Variants in ZNF454 observed in about 807,000 individuals in gnomAD.
ZNF454 encodes the protein zinc finger protein 454.
A neutral mutation model predicts 48.2 loss-of-function variants in ZNF454; 30 were observed. That is an observed-to-expected ratio of 0.62 (90% CI 0.47 to 0.84). The LOEUF (loss-of-function observed/expected upper bound fraction) is 0.84, where lower values mean the gene tolerates loss of function less well. ZNF454 is among the 40% of genes least tolerant of loss of function. ZNF454 has a pLI of 0.00. For synonymous variants in ZNF454, 204 were observed against 211.4 expected, an observed-to-expected ratio of 0.97 and a Z score of 0.30; for missense variants, 510 against 623.1, an observed-to-expected ratio of 0.82 and a Z score of 1.93.
chr5:178,977,528 C>G, the ZNF454 span: 1 of 297,026 alleles, frequency 3.4e-6, no homozygotes, highest in Non-Finnish European at 7.2e-6. Context: ...AAACAGTAAT[C>G]CACAAATGAA....
At chr5:178,975,319 G>T in the ZNF454 span, among the ~76,000 whole-genome samples, 1 of 152,162 alleles carries the variant, frequency 6.6e-6, no homozygotes, top group Non-Finnish European at 1.5e-5. Context: ...TGCCAGTGGT[G>T]CACGTTTGAG....
the ZNF454 span, chr5:178,989,356 G>T: frequency 6.2e-7 from 1 of 1,613,948 alleles, no homozygotes; most frequent in East Asian, 2.2e-5. Flanking sequence ...CGAACCAGAT[G>T]TTCCTGCGGT....
At chr5:178,989,214 CTCACCACCCT>C in the ZNF454 span, 1 of 1,198,222 alleles carries the variant, frequency 8.3e-7, no homozygotes, top group Non-Finnish European at 1.2e-6. Context: ...CCTCCCCACC[CTCACCACCCT>C]CCCCACCCTC....
intron 4 of ZNF454, among the ~76,000 whole-genome samples, chr5:178,956,666 TTTTATTTAA>T (rs1262800042): frequency 4.0e-4 from 27 of 67,278 alleles, no homozygotes; most frequent in Admixed American, 1.9e-3. Context: ...CTTTATTTTA[TTTTATTTAA>T]TTTATTTATT....
chr5:178,969,696 A>G (rs1760212683), downstream of ZNF454: 1 of 455,706 alleles, frequency 2.2e-6, no homozygotes, highest in Non-Finnish European at 4.4e-6. Context: ...AGAAAAAGGT[A>G]AGAGCCTGAG....
intron 4 of ZNF454, among the ~76,000 whole-genome samples, chr5:178,958,674 T>A (rs1342750821): frequency 6.6e-6 from 1 of 152,228 alleles, no homozygotes; most frequent in Non-Finnish European, 1.5e-5. Flanking sequence ...GAAGTGGTTA[T>A]ACTAATTTAT....
chr5:178,949,436 T>A (rs552110130), intron 4 of ZNF454, among the ~76,000 whole-genome samples: 1 of 152,244 alleles, frequency 6.6e-6, no homozygotes, highest in East Asian at 1.9e-4. Flanking sequence ...GTTATATTTT[T>A]AAAAAATAGA....
chr5:178,983,350 C>CGTG, the ZNF454 span: 1 of 821,000 alleles, frequency 1.2e-6, no homozygotes. Flanking sequence ...TCCACCTCTT[C>CGTG]GTGGTGGCTC....
At chr5:178,967,922 G>A (rs1249930845), downstream of ZNF454, among the ~76,000 whole-genome samples, 8 of 151,690 alleles carry the variant, frequency 5.3e-5, no homozygotes, top group Non-Finnish European at 1.2e-4. Context: ...TGTATTTTTA[G>A]TAGAGTTGGG....
chr5:178,954,859 C>T (rs911528159), intron 4 of ZNF454, among the ~76,000 whole-genome samples: 1 of 152,196 alleles, frequency 6.6e-6, no homozygotes, highest in African/African-American at 2.4e-5. Context: ...ATGTCTTTGA[C>T]ACTCATCCCT....
the ZNF454 span, chr5:178,986,729 C>T: frequency 3.2e-5 from 52 of 1,605,382 alleles, no homozygotes; most frequent in Middle Eastern, 1.6e-4. Context: ...TCGTGGGGGT[C>T]GCCAGACCAC....
At chr5:178,986,148 G>A in the ZNF454 span, 1 of 1,613,764 alleles carries the variant, frequency 6.2e-7, no homozygotes, top group Non-Finnish European at 8.5e-7. Flanking sequence ...AGGTGAGGCT[G>A]AAGGTGATGA....
In ZNF454 at chr5:178,965,102, ATCACCAAAGAAT is replaced by A. The variant is rs1184109981; in HGVS notation, c.703_714del (p.Gln235_His238del). 6.2e-7 allele frequency: 1 copy of A among 1,614,198 alleles called. No homozygotes were observed. The highest frequency in any genetic ancestry group is 1.7e-5 in the Admixed American group (1 of 60,024). On this transcript the variant is annotated inframe_deletion, in exon 5 of 5. Coordinates refer to ENST00000519564, the MANE Select transcript of ZNF454 (RefSeq NM_001178089.3). The surrounding 1 kb of genome is among the most constrained non-coding windows in gnomAD (Gnocchi z 5.2). Reference sequence around the variant, plus strand: ...TTTCACCAGAGTACGCACCTTATCCATCACCAAAGAATTCACACTGGCGAGAAACCCTATGAA... The same window carrying A: ...TTTCACCAGAGTACGCACCTTATCCATCACACTGGCGAGAAACCCTATGAA...
chr5:178,954,469 A>G (rs1228001433), intron 4 of ZNF454, among the ~76,000 whole-genome samples: 1 of 152,076 alleles, frequency 6.6e-6, no homozygotes, highest in South Asian at 2.1e-4. Flanking sequence ...CTCATCTTTT[A>G]TGCACTTTGG....
chr5:178,964,886 C>T lies in ZNF454; in HGVS notation c.482C>T (p.Ser161Leu). ...GATGAATCCGGGAGCACTATGAGCT[C>T]ATCTCTTCACAGTGATCAAAGTCAG... ...ECDESGSTMS[S>L]SLHSDQSQGF... The change falls in exon 5 of 5, where the codon TCA becomes TTA. Residue 161 changes from serine to leucine, a missense_variant. Coordinates refer to ENST00000519564, the MANE Select transcript of ZNF454 (RefSeq NM_001178089.3). 3 of 1,614,220 alleles carry T rather than the reference C, an allele frequency of 1.9e-6. No homozygotes were observed. The highest frequency in any genetic ancestry group is 1.7e-6 in the Non-Finnish European group (2 of 1,180,048).
chr5:178,974,468 G>A, the ZNF454 span, among the ~76,000 whole-genome samples: 26 of 152,188 alleles, frequency 1.7e-4, no homozygotes, highest in East Asian at 4.6e-3. Context: ...ACAGGCGCCC[G>A]CCACCATGCC....
chr5:178,984,269 C>T, the ZNF454 span, among the ~76,000 whole-genome samples: 4 of 142,106 alleles, frequency 2.8e-5, no homozygotes, highest in Non-Finnish European at 6.3e-5. Context: ...TGCCGCAGCC[C>T]GTGGAGTGGG....
chr5:178,969,206 CT>C (rs1382081917), downstream of ZNF454, among the ~76,000 whole-genome samples: 1 of 152,186 alleles, frequency 6.6e-6, no homozygotes, highest in African/African-American at 2.4e-5. Flanking sequence ...CCCAGGCATA[CT>C]TTTCTCACGT....
the ZNF454 span, chr5:178,989,107 G>A: frequency 2.5e-6 from 4 of 1,613,976 alleles, no homozygotes; most frequent in African/African-American, 4.0e-5. Flanking sequence ...CCTGCTCGTA[G>A]GTGGAGTCCC....
Sources: gnomAD v4.1 joint callset for allele counts (sites outside exome capture counted in the v4.1 genomes callset) on GRCh38, gnomAD v4.1.1 for gene constraint, Gnocchi (gnomAD v3.1) non-coding constraint, MANE v1.5 for transcripts, NCBI Gene and HGNC (gene_info 2026-07-23, HGNC 2026-07-21) for gene names.